The following ATP6V1A variants were observed in gnomAD, a reference collection of about 807,000 sequenced individuals.
ATP6V1A encodes ATPase H+ transporting V1 subunit A, also known as V-type proton ATPase catalytic subunit A.
A neutral mutation model predicts 70.1 loss-of-function variants in ATP6V1A; 18 were observed. The observed-to-expected ratio is 0.26, with a 90% CI of 0.18 to 0.38. The LOEUF (loss-of-function observed/expected upper bound fraction) is 0.38, where lower values mean the gene tolerates loss of function less well. ATP6V1A is among the 10% of genes least tolerant of loss of function. ATP6V1A has a pLI of 1.00. For missense variants in ATP6V1A, 424 were observed against 772.4 expected, an observed-to-expected ratio of 0.55 and a Z score of 5.35; for synonymous variants, 232 against 253.8, an observed-to-expected ratio of 0.91 and a Z score of 0.82.
intron 1 of ATP6V1A, among the ~76,000 whole-genome samples, chr3:113,778,263 G>A (rs1247235564): frequency 2.0e-5 from 3 of 152,126 alleles, no homozygotes; most frequent in Non-Finnish European, 2.9e-5. Context: ...GTATGGTCAC[G>A]TGCACCTGTA....
chr3:113,764,759 G>T lies in ATP6V1A; in HGVS notation c.-13-13982G>T, dbSNP rs1708749800. Reference sequence around the variant, plus strand: ...CTTTACAATTACTTTTCCCCCTTCAGTTTATCAAGTTTAAGAAATAAAAAA... The same window carrying T: ...CTTTACAATTACTTTTCCCCCTTCATTTTATCAAGTTTAAGAAATAAAAAA... On this transcript the variant is annotated intron_variant, in intron 1 of 14. Coordinates refer to ENST00000273398, the MANE Select transcript of ATP6V1A (RefSeq NM_001690.4). Among the ~76,000 whole-genome samples, 3 of 151,916 alleles carry T rather than the reference G, an allele frequency of 2.0e-5. No homozygotes were observed. The South Asian group carries it at 6.2e-4, about 31-fold the overall frequency.
At chr3:113,752,224 G>A (rs771127411) in intron 1 of ATP6V1A, among the ~76,000 whole-genome samples, 1 of 151,794 alleles carries the variant, frequency 6.6e-6, no homozygotes, top group Non-Finnish European at 1.5e-5. Context: ...ATGTGCTTGA[G>A]CAATGAAAAG....
At chr3:113,808,019 A>G (rs1181056330) in intron 14 of ATP6V1A, among the ~76,000 whole-genome samples, 2 of 151,644 alleles carry the variant, frequency 1.3e-5, no homozygotes, top group East Asian at 2.0e-4. Flanking sequence ...AATCCCAGCT[A>G]CTCAGGAGGC....
intron 1 of ATP6V1A, among the ~76,000 whole-genome samples, chr3:113,757,363 G>A (rs189122745): frequency 1.3e-5 from 2 of 152,288 alleles, no homozygotes; most frequent in East Asian, 3.9e-4. Context: ...CTACCTCAGA[G>A]TAGTATAAAG....
intron 1 of ATP6V1A, among the ~76,000 whole-genome samples, chr3:113,751,519 A>G (rs1407878503): frequency 2.0e-5 from 3 of 151,932 alleles, no homozygotes; most frequent in Admixed American, 6.6e-5. Context: ...TATTCTTTAT[A>G]CTAAGTAACT....
intron 12 of ATP6V1A, among the ~76,000 whole-genome samples, chr3:113,802,429 C>T (rs1709223964): frequency 1.3e-5 from 2 of 149,146 alleles, no homozygotes; most frequent in African/African-American, 5.0e-5. Context: ...CTCCCAAGTT[C>T]AAGTGATTCT....
intron 5 of ATP6V1A, among the ~76,000 whole-genome samples, chr3:113,785,864 CTTT>C (rs567833457): frequency 8.4e-5 from 11 of 130,774 alleles, no homozygotes; most frequent in South Asian, 2.5e-4. Context: ...TTCTTTCTTT[CTTT>C]TTTTTTTTTT....
At chr3:113,783,545 G>A (rs993858745) in intron 3 of ATP6V1A, among the ~76,000 whole-genome samples, 3 of 152,136 alleles carry the variant, frequency 2.0e-5, no homozygotes, top group African/African-American at 7.2e-5. Context: ...ATTAATGAGG[G>A]AGTTTTGCTT....
At chr3:113,809,216 C>G in intron 14 of ATP6V1A, 119 bp from the exon 15 acceptor site, 1 of 701,414 alleles carries the variant, frequency 1.4e-6, no homozygotes. Flanking sequence ...GATCGTGCCA[C>G]TGCACTCCAG....
At chr3:113,782,584 A>G (rs1708990844) in intron 3 of ATP6V1A, among the ~76,000 whole-genome samples, 1 of 145,918 alleles carries the variant, frequency 6.9e-6, no homozygotes, top group Middle Eastern at 3.6e-3. Flanking sequence ...GTATATATAT[A>G]CACATATATA....
chr3:113,749,925 T>A (rs1221332688), intron 1 of ATP6V1A, among the ~76,000 whole-genome samples: 1 of 152,252 alleles, frequency 6.6e-6, no homozygotes, highest in African/African-American at 2.4e-5. Flanking sequence ...TTATTAATGC[T>A]GAGACCAACT....
intron 1 of ATP6V1A, among the ~76,000 whole-genome samples, chr3:113,776,113 C>G (rs1708909276): frequency 6.6e-6 from 1 of 152,150 alleles, no homozygotes; most frequent in South Asian, 2.1e-4. Context: ...AATCCCAGCA[C>G]TTTGGGAGGC....
chr3:113,775,512 G>C (rs1577086533), intron 1 of ATP6V1A, among the ~76,000 whole-genome samples: 1 of 152,208 alleles, frequency 6.6e-6, no homozygotes, highest in East Asian at 1.9e-4. Flanking sequence ...TTATGGGCAT[G>C]AGCCACTGCA....
chr3:113,755,133 T>A lies in ATP6V1A; in HGVS notation c.-14+8020T>A, dbSNP rs527419544. Reference sequence around the variant, plus strand: ...AACAAAGAGATGAAGGAAACCAGACTGTGTGAGTCAAATCCTGGCTCTGCT... The same window carrying A: ...AACAAAGAGATGAAGGAAACCAGACAGTGTGAGTCAAATCCTGGCTCTGCT... On this transcript the variant is annotated intron_variant, in intron 1 of 14. Transcript: ENST00000273398. Among the ~76,000 whole-genome samples the A allele has an allele frequency of 2.0e-5, 3 of 152,318 alleles. No individual in the cohort carries two copies. In the South Asian group the frequency reaches 6.2e-4, roughly 32 times the overall value.
intron 1 of ATP6V1A, among the ~76,000 whole-genome samples, chr3:113,756,635 AC>A (rs1708649557): frequency 6.6e-6 from 1 of 152,246 alleles, no homozygotes; most frequent in African/African-American, 2.4e-5. Context: ...CTTTGGACTT[AC>A]TACTTTCAAA....
chr3:113,787,988 A>G (rs576096691), intron 6 of ATP6V1A, among the ~76,000 whole-genome samples: 1 of 152,294 alleles, frequency 6.6e-6, no homozygotes, highest in Admixed American at 6.5e-5. Context: ...TGGCTAGATC[A>G]TAGTTCACTG....
At chr3:113,764,887 A>G (rs1708751156) in intron 1 of ATP6V1A, among the ~76,000 whole-genome samples, 1 of 151,732 alleles carries the variant, frequency 6.6e-6, no homozygotes, top group African/African-American at 2.4e-5. Context: ...TGGGGGGATC[A>G]CTTGAGCCCT....
chr3:113,786,208 T>A, intron 5 of ATP6V1A, 24 bp from the exon 6 acceptor site: 1 of 1,583,064 alleles, frequency 6.3e-7, no homozygotes, highest in African/African-American at 1.3e-5. Context: ...TTGACCATAC[T>A]AAAATCCTAC....
In ATP6V1A at chr3:113,795,187, T is replaced by C. The variant is rs771311957; in HGVS notation, c.1209T>C (p.Ser403=). 59 of 1,613,590 alleles carry C rather than the reference T, an allele frequency of 3.7e-5. No homozygotes were observed. The highest frequency in any genetic ancestry group is 1.0e-4 in the Admixed American group (6 of 59,936). Residue 403 remains serine (S), a synonymous_variant, in exon 10 of 15, where the codon AGT becomes AGC. Transcript: ENST00000273398. ...TTGGAAATCCTGAAAGAGAAGGGAG[T>C]GTCAGCATTGTAGGAGCGTAAGCAC... ...KCLGNPEREG[S]VSIVGAVSPP...
Sources: allele counts gnomAD v4.1 joint callset (sites outside exome capture counted in the v4.1 genomes callset), GRCh38; gene constraint gnomAD v4.1.1; transcripts MANE v1.5; gene names NCBI Gene and HGNC (gene_info 2026-07-23, HGNC 2026-07-21).